TRAPPC9: variants seen among roughly 807,000 people sequenced by gnomAD.
The protein encoded by TRAPPC9 is trafficking protein particle complex subunit 9, also known as IKK2 binding protein.
A neutral mutation model predicts 124.0 loss-of-function variants in TRAPPC9; 83 were observed. The observed-to-expected ratio is 0.67, with a 90% CI of 0.56 to 0.80. The LOEUF is 0.80. Among genes scored for constraint, TRAPPC9 ranks in the 30% least tolerant of loss-of-function variants. The pLI is 0.00. For missense variants in TRAPPC9, 1,302 were observed against 1,508.3 expected, an observed-to-expected ratio of 0.86 and a Z score of 2.27; for synonymous variants, 638 against 617.5, an observed-to-expected ratio of 1.03 and a Z score of -0.49.
At chr8:139,991,973 T>C (rs898447662) in intron 18 of TRAPPC9, among the ~76,000 whole-genome samples, 1 of 152,144 alleles carries the variant, frequency 6.6e-6, no homozygotes, top group African/African-American at 2.4e-5. Flanking sequence ...CCTACATTCA[T>C]GGCTATTATA....
chr8:139,932,483 C>T (rs1166866757), intron 19 of TRAPPC9: 6 of 457,244 alleles, frequency 1.3e-5, no homozygotes, highest in Non-Finnish European at 2.6e-5. Context: ...CATGTAGACA[C>T]TGGGCGCGGT....
intron 17 of TRAPPC9, among the ~76,000 whole-genome samples, chr8:140,080,314 G>A (rs936939101): frequency 3.3e-5 from 5 of 152,154 alleles, no homozygotes; most frequent in African/African-American, 1.2e-4. Flanking sequence ...AAAACACCAC[G>A]CCACACTCAT....
intron 17 of TRAPPC9, among the ~76,000 whole-genome samples, chr8:140,183,481 C>T (rs911085760): frequency 6.6e-6 from 1 of 152,206 alleles, no homozygotes; most frequent in African/African-American, 2.4e-5. Context: ...CACAGCAGCT[C>T]TGAGAGTTCA....
At chr8:139,796,409 C>T (rs535296854) in intron 21 of TRAPPC9, among the ~76,000 whole-genome samples, 3 of 152,294 alleles carry the variant, frequency 2.0e-5, no homozygotes, top group South Asian at 4.1e-4. Context: ...ATGCATCAGA[C>T]GCCTCCCCAT....
At chr8:140,009,553 G>A (rs1002788589) in intron 18 of TRAPPC9, among the ~76,000 whole-genome samples, 5 of 152,076 alleles carry the variant, frequency 3.3e-5, no homozygotes, top group East Asian at 1.9e-4. Context: ...AAAGGCCTTG[G>A]AGCCACCACA....
At chr8:140,055,342 C>A (rs1469962381) in intron 17 of TRAPPC9, among the ~76,000 whole-genome samples, 1 of 152,140 alleles carries the variant, frequency 6.6e-6, no homozygotes, top group Non-Finnish European at 1.5e-5. Flanking sequence ...AAACTCTCAA[C>A]GAGCCAGGAA....
chr8:140,323,609 A>T (rs1568606), intron 9 of TRAPPC9, among the ~76,000 whole-genome samples: 145,984 of 152,290 alleles, frequency 0.96, 70,038 homozygotes, highest in East Asian at 1. Flanking sequence ...GAAATCCTTA[A>T]ACACATTTTG....
intron 17 of TRAPPC9, among the ~76,000 whole-genome samples, chr8:140,200,828 G>A (rs575505892): frequency 2.0e-5 from 3 of 152,070 alleles, no homozygotes; most frequent in Admixed American, 6.5e-5. Context: ...TCACAGTGAC[G>A]CACCCACGTT....
chr8:140,233,654 A>ACACACACACACAC (rs1563868284), intron 16 of TRAPPC9, among the ~76,000 whole-genome samples: 24 of 38,236 alleles, frequency 6.3e-4, no homozygotes, highest in African/African-American at 1.9e-3. Flanking sequence ...CACACACATA[A>ACACACACACACAC]ACACACCCTC....
intron 21 of TRAPPC9, among the ~76,000 whole-genome samples, chr8:139,744,028 C>A (rs1001979037): frequency 6.6e-6 from 1 of 152,154 alleles, no homozygotes; most frequent in South Asian, 2.1e-4. Context: ...CACAGGTACA[C>A]GCGAACGTGC....
Position 140,216,871 on chromosome 8 carries a change from T to C in TRAPPC9, c.2556+4588A>G, listed in dbSNP as rs1214468182. 6.6e-6 allele frequency among the ~76,000 whole-genome samples: 1 copy of C among 152,214 alleles called. No individual in the cohort carries two copies. Among genetic ancestry groups the C allele is most frequent in the Non-Finnish European group, 1.5e-5 (1 of 68,038 alleles). Reference sequence around the variant, plus strand: ...GATCACCTGTATTCTAACCACTTTTTCTTGTTTTATTTACTTGTATCTTAG... The same window carrying C: ...GATCACCTGTATTCTAACCACTTTTCCTTGTTTTATTTACTTGTATCTTAG... On this transcript the variant is annotated intron_variant, in intron 17 of 22. Coordinates refer to ENST00000438773, the MANE Select transcript of TRAPPC9 (RefSeq NM_001160372.4). The surrounding 1 kb of genome is among the most constrained non-coding windows in gnomAD (Gnocchi z 4.1).
chr8:139,965,484 A>G (rs1835641787), intron 19 of TRAPPC9, among the ~76,000 whole-genome samples: 1 of 152,322 alleles, frequency 6.6e-6, no homozygotes, highest in East Asian at 1.9e-4. Context: ...ACTGGGGCTG[A>G]CAAGATAGGT....
intron 18 of TRAPPC9, among the ~76,000 whole-genome samples, chr8:139,997,063 T>A (rs1002714783): frequency 2.0e-5 from 3 of 152,160 alleles, no homozygotes; most frequent in Non-Finnish European, 4.4e-5. Flanking sequence ...CTATTTTTTT[T>A]AATCCCTGCC....
intron 9 of TRAPPC9, among the ~76,000 whole-genome samples, chr8:140,312,715 C>T (rs2066330802): frequency 6.6e-6 from 1 of 151,720 alleles, no homozygotes; most frequent in South Asian, 2.1e-4. Context: ...TAAACTGCTA[C>T]CATAGGAATT....
chr8:140,082,979 G>C lies in TRAPPC9; in HGVS notation c.2557-58900C>G, dbSNP rs186456619. ...GGTGGCCGAGGCAGGTGGATCACAA[G>C]GTCAAGAGATCGAAACCATCCTGGC... is the stretch of plus-strand genomic sequence containing the variant. On this transcript the variant is annotated intron_variant, in intron 17 of 22. Coordinates refer to ENST00000438773, the MANE Select transcript of TRAPPC9 (RefSeq NM_001160372.4). 9.8e-5 allele frequency among the ~76,000 whole-genome samples: 15 copies of C among 152,302 alleles called. No homozygotes were observed. In the East Asian group the frequency reaches 2.9e-3, roughly 29 times the overall value.
rs770413374 is a variant in TRAPPC9, at chr8:139,825,808, T to C, written c.3055+60071A>G. Reference sequence around the variant, plus strand: ...CTCCGAGACAACAGCCGTGAGACGATGGCCGGAGCTGAGTGTCAACGCCCA... The same window carrying C: ...CTCCGAGACAACAGCCGTGAGACGACGGCCGGAGCTGAGTGTCAACGCCCA... On this transcript the variant is annotated intron_variant, in intron 21 of 22. Coordinates refer to ENST00000438773, the MANE Select transcript of TRAPPC9 (RefSeq NM_001160372.4). This position sits in a 1 kb window ranked among gnomAD's most constrained non-coding sequence, Gnocchi z 4.6. Among the ~76,000 whole-genome samples the C allele has an allele frequency of 6.6e-6, 1 of 151,188 alleles. No homozygotes were observed. The highest frequency in any genetic ancestry group is 1.5e-5 in the Non-Finnish European group (1 of 67,812).
chr8:139,816,430 C>T (rs1320211296), intron 21 of TRAPPC9, among the ~76,000 whole-genome samples: 2 of 152,220 alleles, frequency 1.3e-5, no homozygotes, highest in Admixed American at 6.5e-5. Context: ...GGGTGTGTTG[C>T]AGCACTGGGA....
intron 21 of TRAPPC9, among the ~76,000 whole-genome samples, chr8:139,737,475 C>CCG (rs1554633774): frequency 2.3e-5 from 3 of 128,254 alleles, no homozygotes; most frequent in African/African-American, 8.4e-5. Context: ...CTCCCCCCCC[C>CCG]CCCACGGAAA....
At chr8:140,108,887 T>C (rs2060714387) in intron 17 of TRAPPC9, among the ~76,000 whole-genome samples, 1 of 152,192 alleles carries the variant, frequency 6.6e-6, no homozygotes, top group Non-Finnish European at 1.5e-5. Flanking sequence ...ATCCTATGAC[T>C]AAGAATAGAT....
Sources: allele counts gnomAD v4.1 joint callset (sites outside exome capture counted in the v4.1 genomes callset), GRCh38; gene constraint gnomAD v4.1.1; non-coding constraint Gnocchi (gnomAD v3.1); transcripts MANE v1.5; gene names NCBI Gene and HGNC (gene_info 2026-07-23, HGNC 2026-07-21).